Variants in ASB15 observed in about 807,000 individuals in gnomAD.
The protein encoded by ASB15 is ankyrin repeat and SOCS box containing 15, also known as ankyrin repeat and SOCS box protein 15.
In ASB15, 54 loss-of-function variants were observed where a neutral mutation model predicts 58.0. The ratio of observed to expected loss-of-function variants is 0.93; its 90% CI spans 0.75 to 1.17. The LOEUF (loss-of-function observed/expected upper bound fraction) is 1.17. ASB15 is among the 50% of genes most tolerant of loss of function. The probability of loss-of-function intolerance (pLI) is 0.00; values close to 1 mark genes in which losing one functional copy is unlikely to be tolerated. For missense variants in ASB15, 680 were observed against 707.4 expected (o/e 0.96, Z 0.44); for synonymous variants, 249 against 262.4 (o/e 0.95, Z 0.50).
Position 123,624,643 on chromosome 7 carries a change from A to T in ASB15, c.526A>T (p.Lys176Ter), listed in dbSNP as rs1801645403. Residue 176 changes from lysine to a stop codon, truncating the protein, a stop_gained, in exon 8 of 12, where the codon AAG becomes TAG. Transcript: ENST00000451215. LOFTEE classifies it high-confidence loss of function. ...HNTSLDQPCV[K>*]RWSAMHEAAK... ...CACTAGCCTAGACCAGCCCTGTGTC[A>T]AGCGATGGTCAGCAATGCATGAAGC... is the stretch of plus-strand genomic sequence containing the variant. The T allele has an allele frequency of 6.2e-7, 1 of 1,613,962 alleles. No individual in the cohort carries two copies. The highest frequency in any genetic ancestry group is 1.7e-5 in the Admixed American group (1 of 59,994).
At chr7:123,580,541 T>C (rs1799198434) in intron 1 of ASB15, among the ~76,000 whole-genome samples, 1 of 152,030 alleles carries the variant, frequency 6.6e-6, no homozygotes, top group Non-Finnish European at 1.5e-5. Flanking sequence ...TGACACCTAC[T>C]TTGCAAGAAT....
intron 7 of ASB15, among the ~76,000 whole-genome samples, chr7:123,618,539 T>C (rs1228530512): frequency 1.3e-5 from 2 of 151,992 alleles, no homozygotes; most frequent in Admixed American, 1.3e-4. Flanking sequence ...AAAAAATATA[T>C]AAAAGCTCTC....
At chr7:123,608,729 A>T (rs1800276473) in intron 3 of ASB15, 75 bp downstream of exon 3, 1 of 152,160 alleles carries the variant, frequency 6.6e-6, no homozygotes, top group African/African-American at 2.4e-5. Context: ...ATTTTTGGGG[A>T]ACTAGTTGAT....
intron 1 of ASB15, among the ~76,000 whole-genome samples, chr7:123,591,616 T>C (rs1213778960): frequency 3.3e-5 from 5 of 152,208 alleles, no homozygotes; most frequent in Admixed American, 3.3e-4. Context: ...GATTTGTGTA[T>C]AATGAACCAG....
chr7:123,619,882 T>C (rs759328612), intron 7 of ASB15: 1 of 152,224 alleles, frequency 6.6e-6, no homozygotes, highest in Non-Finnish European at 1.5e-5. Context: ...TCAGATAAGA[T>C]GGGAAAAACA....
chr7:123,622,254 A>G (rs1801378508), intron 7 of ASB15, among the ~76,000 whole-genome samples: 2 of 152,122 alleles, frequency 1.3e-5, no homozygotes, highest in South Asian at 4.1e-4. Context: ...TAGATTTTAG[A>G]ATTTTAAGTT....
At chr7:123,587,518 A>G (rs958719232) in intron 1 of ASB15, among the ~76,000 whole-genome samples, 4 of 150,970 alleles carry the variant, frequency 2.6e-5, no homozygotes, top group Non-Finnish European at 5.9e-5. Flanking sequence ...TTCCTTTTCT[A>G]TTTGGATGCC....
intron 8 of ASB15, among the ~76,000 whole-genome samples, chr7:123,625,288 G>A (rs1248183746): frequency 2.6e-5 from 4 of 152,020 alleles, no homozygotes; most frequent in African/African-American, 9.7e-5. Context: ...TCCTGATCAG[G>A]TCCCTCAATT....
upstream of ASB15, among the ~76,000 whole-genome samples, chr7:123,600,664 G>A (rs1246719282): frequency 2.0e-5 from 3 of 152,158 alleles, no homozygotes; most frequent in African/African-American, 7.2e-5. Context: ...ACAGTTAATA[G>A]TGGTTTAAAC....
intron 8 of ASB15, among the ~76,000 whole-genome samples, chr7:123,626,368 A>G (rs1302566089): frequency 6.6e-6 from 1 of 152,168 alleles, no homozygotes; most frequent in Non-Finnish European, 1.5e-5. Flanking sequence ...GCTACTCAGG[A>G]GACTGAGGCA....
intron 9 of ASB15, among the ~76,000 whole-genome samples, 172 bp from the exon 10 acceptor site, chr7:123,628,692 A>G (rs992058603): frequency 2.6e-5 from 4 of 152,234 alleles, no homozygotes; most frequent in Non-Finnish European, 5.9e-5. Flanking sequence ...ACATTACACT[A>G]AACTAAATAG....
chr7:123,586,490 T>A (rs1341690505), intron 1 of ASB15, among the ~76,000 whole-genome samples: 1 of 151,790 alleles, frequency 6.6e-6, no homozygotes, highest in Non-Finnish European at 1.5e-5. Context: ...TTTGTAAATA[T>A]TTTCTCCCTT....
intron 1 of ASB15, among the ~76,000 whole-genome samples, chr7:123,574,808 C>T (rs1799018128): frequency 6.6e-6 from 1 of 152,064 alleles, no homozygotes; most frequent in Non-Finnish European, 1.5e-5. Context: ...AGGCAGCTTA[C>T]ACATCTTTAA....
At chr7:123,636,699 C>T in intron 11 of ASB15, 110 bp from the exon 12 acceptor site, 2 of 872,722 alleles carry the variant, frequency 2.3e-6, no homozygotes, top group Non-Finnish European at 3.6e-6. Flanking sequence ...CTAAAGTGTG[C>T]ATACATGTTT....
chr7:123,618,859 A>G (rs1202837039), intron 7 of ASB15, among the ~76,000 whole-genome samples: 1 of 125,872 alleles, frequency 7.9e-6, no homozygotes, highest in East Asian at 2.2e-4. Flanking sequence ...TGATTCAACA[A>G]TATCAATGTA....
chr7:123,592,178 T>C (rs919475464), intron 1 of ASB15, among the ~76,000 whole-genome samples: 1 of 152,192 alleles, frequency 6.6e-6, no homozygotes, highest in African/African-American at 2.4e-5. Flanking sequence ...TCTATTTGAT[T>C]CTTATCTCTT....
chr7:123,616,957 AT>A (rs1373003894), intron 6 of ASB15, among the ~76,000 whole-genome samples: 1 of 152,192 alleles, frequency 6.6e-6, no homozygotes, highest in Non-Finnish European at 1.5e-5. Flanking sequence ...GCATTAAAAA[AT>A]ATTATGGCAA....
Position 123,639,130 on chromosome 7 carries a change from T to C in ASB15, c.*2149T>C, listed in dbSNP as rs568645748. On this transcript the variant is annotated 3_prime_UTR_variant, in exon 12 of 12. Coordinates refer to ENST00000451215, the MANE Select transcript of ASB15 (RefSeq NM_001290258.2). Reference sequence around the variant, plus strand: ...TTTTCTTATATTTATTTTTACCTTGTTACCGTATTCTTTAAACAGTAATAT... The same window carrying C: ...TTTTCTTATATTTATTTTTACCTTGCTACCGTATTCTTTAAACAGTAATAT... 6.6e-6 allele frequency: 1 copy of C among 151,630 alleles called. No individual in the cohort carries two copies. Among genetic ancestry groups the C allele is most frequent in the Admixed American group, 6.6e-5 (1 of 15,250 alleles). 9.4% of individuals were successfully genotyped at this position (151,630 alleles called of 1,614,324 possible).
At chr7:123,574,859 T>G (rs949674260) in intron 1 of ASB15, among the ~76,000 whole-genome samples, 1 of 152,130 alleles carries the variant, frequency 6.6e-6, no homozygotes, top group Non-Finnish European at 1.5e-5. Flanking sequence ...CTCTTTTTAT[T>G]TTTTCTATTT....
Sources: gnomAD v4.1 joint callset for allele counts (sites outside exome capture counted in the v4.1 genomes callset) on GRCh38, gnomAD v4.1.1 for gene constraint, MANE v1.5 for transcripts, NCBI Gene and HGNC (gene_info 2026-07-23, HGNC 2026-07-21) for gene names.